NEUROD4: variants seen among roughly 807,000 people sequenced by gnomAD.
NEUROD4 encodes neuronal differentiation 4.
NEUROD4 carries 16 observed loss-of-function variants against 19.8 expected under a neutral mutation model. The observed-to-expected ratio is 0.81, with a 90% confidence interval of 0.55 to 1.23. The LOEUF (loss-of-function observed/expected upper bound fraction) is 1.23, where lower values mean the gene tolerates loss of function less well. Among genes scored for constraint, NEUROD4 ranks in the 50% most tolerant of loss-of-function variants. NEUROD4 has a pLI of 0.00. For missense variants in NEUROD4, 439 were observed against 398.6 expected (o/e 1.10, Z -0.86); for synonymous variants, 153 against 147.9 (o/e 1.03, Z -0.25).
Position 55,027,483 on chromosome 12 carries a change from T to C in NEUROD4, c.*48T>C, listed in dbSNP as rs1302075221. Reference sequence around the variant, plus strand: ...GAGAATGACGTGGAGACATTTTCCATAATTCAAGTGGTTGAGCTAAAGATT... The same window carrying C: ...GAGAATGACGTGGAGACATTTTCCACAATTCAAGTGGTTGAGCTAAAGATT... On this transcript the variant is annotated 3_prime_UTR_variant, in exon 2 of 2. Coordinates refer to ENST00000242994, the MANE Select transcript of NEUROD4 (RefSeq NM_021191.3). The C allele has an allele frequency of 6.6e-7, 1 of 1,521,830 alleles. No individual in the cohort carries two copies. Among genetic ancestry groups the C allele is most frequent in the South Asian group, 1.3e-5 (1 of 77,444 alleles). The allele number at this position is 1,521,830 out of a possible 1,614,324, so 94.3% of individuals were successfully genotyped here.
rs1461649883 is a variant in NEUROD4 at position 55,028,086 on chromosome 12, C to A, written c.*651C>A. Reference sequence around the variant, plus strand: ...AGCTAAAAGTCTAACATGGCTGTCACTGTGAAGAACAAAACATGTTCGTTA... The same window carrying A: ...AGCTAAAAGTCTAACATGGCTGTCAATGTGAAGAACAAAACATGTTCGTTA... On this transcript the variant is annotated 3_prime_UTR_variant, in exon 2 of 2. Coordinates refer to ENST00000242994, the MANE Select transcript of NEUROD4 (RefSeq NM_021191.3). 1 of 167,008 alleles carries A rather than the reference C, an allele frequency of 6.0e-6. No homozygotes were observed. The highest frequency in any genetic ancestry group is 2.4e-5 in the African/African-American group (1 of 41,444). 10.3% of individuals were successfully genotyped at this position (167,008 alleles called of 1,614,324 possible).
chr12:55,020,647 G>A (rs1013852292), intron 1 of NEUROD4, among the ~76,000 whole-genome samples: 1 of 152,160 alleles, frequency 6.6e-6, no homozygotes, highest in Admixed American at 6.6e-5. Context: ...ATGTCGAAAA[G>A]TTTAACTGCT....
At chr12:55,025,689 G>A (rs775686207) in intron 1 of NEUROD4, among the ~76,000 whole-genome samples, 8 of 152,226 alleles carry the variant, frequency 5.3e-5, no homozygotes, top group Non-Finnish European at 5.9e-5. Context: ...GATAGTGAGA[G>A]TAATGTTTGA....
chr12:55,021,592 C>T (rs1005542486), intron 1 of NEUROD4, among the ~76,000 whole-genome samples: 3 of 152,100 alleles, frequency 2.0e-5, no homozygotes, highest in Admixed American at 6.5e-5. Context: ...TAATGCTTAA[C>T]GACTTTGGCC....
chr12:55,022,445 A>G (rs989929906), intron 1 of NEUROD4, among the ~76,000 whole-genome samples: 2 of 152,106 alleles, frequency 1.3e-5, no homozygotes, highest in African/African-American at 4.8e-5. Context: ...TGCATTGAAA[A>G]TATTTAGGTG....
chr12:55,027,084 T>C lies in NEUROD4; in HGVS notation c.645T>C (p.Gly215=). The change falls in exon 2 of 2, where the codon GGT becomes GGC. Residue 215 remains glycine (G), a synonymous_variant. Transcript: ENST00000242994. The part of the protein sequence containing the change: ...QSPGLPSPPY[G]HMETHLLHLK... ...CGGGGCTTCCTAGCCCTCCTTATGG[T>C]CATATGGAAACACATCTCCTTCATC... is the stretch of plus-strand genomic sequence containing the variant. 1 of 1,614,056 alleles carries C rather than the reference T, an allele frequency of 6.2e-7. No homozygotes were observed. Among genetic ancestry groups the C allele is most frequent in the African/African-American group, 1.3e-5 (1 of 75,004 alleles).
At position 55,029,515 on chromosome 12, in the gene NEUROD4, T is replaced by C. The variant is rs1952769866; in HGVS notation, c.*2080T>C. The C allele has an allele frequency of 6.0e-6, 1 of 167,058 alleles. No homozygotes were observed. The highest frequency in any genetic ancestry group is 2.4e-5 in the African/African-American group (1 of 41,456). 10.3% of individuals were successfully genotyped at this position (167,058 alleles called of 1,614,324 possible). On this transcript the variant is annotated 3_prime_UTR_variant, in exon 2 of 2. Transcript: ENST00000242994. ...ATTATTTATTTAATTTATTTCTCTC[T>C]TCCTTTCACGAAAATTCCTTTAGCC...
Position 55,027,324 on chromosome 12 carries a change from A to C in NEUROD4, c.885A>C (p.Ser295=). Residue 295 remains serine, a synonymous_variant, in exon 2 of 2, where the codon TCA becomes TCC. Coordinates refer to ENST00000242994, the MANE Select transcript of NEUROD4 (RefSeq NM_021191.3). The part of the protein sequence containing the change: ...SSSLSSGHVH[S]TPFQAGTPRY... ...GTCTAAGCTCAGGGCATGTGCATTC[A>C]ACTCCTTTTCAGGCTGGTACCCCCC... 1 of 1,614,104 alleles carries C rather than the reference A, an allele frequency of 6.2e-7. No homozygotes were observed. Among genetic ancestry groups the C allele is most frequent in the Non-Finnish European group, 8.5e-7 (1 of 1,180,016 alleles).
chr12:55,021,568 G>A (rs1952673909), intron 1 of NEUROD4, among the ~76,000 whole-genome samples: 1 of 152,176 alleles, frequency 6.6e-6, no homozygotes, highest in South Asian at 2.1e-4. Flanking sequence ...TTCCAGGATA[G>A]CTTCACATAG....
intron 1 of NEUROD4, among the ~76,000 whole-genome samples, chr12:55,024,554 CTT>C (rs1952705069): frequency 6.6e-6 from 1 of 152,182 alleles, no homozygotes; most frequent in Admixed American, 6.5e-5. Context: ...CCACTCCATC[CTT>C]TTTGGCCTTA....
rs1456605351 is a variant in NEUROD4, at chr12:55,027,908, G to C, written c.*473G>C. ...ACAATTTCTTGAAACTGAAAGAATA[G>C]AGAAATAATAGGAAAGGGATGCTAT... On this transcript the variant is annotated 3_prime_UTR_variant, in exon 2 of 2. Coordinates refer to ENST00000242994, the MANE Select transcript of NEUROD4 (RefSeq NM_021191.3). 1 of 168,988 alleles carries C rather than the reference G, an allele frequency of 5.9e-6. No homozygotes were observed. The highest frequency in any genetic ancestry group is 6.5e-5 in the Admixed American group (1 of 15,404). 10.5% of individuals were successfully genotyped at this position (168,988 alleles called of 1,614,324 possible). A position where few individuals can be genotyped will look rare whatever the true frequency, so the allele number is the denominator to read the frequency against.
intron 1 of NEUROD4, among the ~76,000 whole-genome samples, chr12:55,025,972 C>T (rs1347037580): frequency 6.6e-6 from 1 of 152,108 alleles, no homozygotes; most frequent in Admixed American, 6.6e-5. Context: ...GCTTATTTGA[C>T]TATTTGATGG....
chr12:55,026,137 A>G (rs984833061), intron 1 of NEUROD4, among the ~76,000 whole-genome samples: 2 of 152,200 alleles, frequency 1.3e-5, no homozygotes, highest in African/African-American at 4.8e-5. Context: ...AAAGAAAAAT[A>G]TATCTTTGGA....
rs2243885 is a variant in NEUROD4 at position 55,027,515 on chromosome 12, C to A, written c.*80C>A. 0.32 allele frequency: 422,363 copies of A among 1,337,074 alleles called. 69,548 individuals are homozygous for A. The highest frequency in any genetic ancestry group is 0.51 in the African/African-American group (34,506 of 67,930). 82.8% of individuals were successfully genotyped at this position (1,337,074 alleles called of 1,614,324 possible). On this transcript the variant is annotated 3_prime_UTR_variant, in exon 2 of 2. Transcript: ENST00000242994. ...AGTGGTTGAGCTAAAGATTCAATGA[C>A]CTTAAAGGATCCCTATGGATATATA...
Position 55,027,264 on chromosome 12 carries a change from A to G in NEUROD4, c.825A>G (p.Lys275=), listed in dbSNP as rs141856263. The G allele has an allele frequency of 1.2e-6, 2 of 1,613,822 alleles. No homozygotes were observed. The highest frequency in any genetic ancestry group is 1.7e-6 in the Non-Finnish European group (2 of 1,179,984). Reference sequence around the variant, plus strand: ...AAGATGGGTCTCCTGACCTAGAAAAATCCTACAGCTTCATGCCACATTACC... The same window carrying G: ...AAGATGGGTCTCCTGACCTAGAAAAGTCCTACAGCTTCATGCCACATTACC... ...LKQDGSPDLE[K]SYSFMPHYPS... The change falls in exon 2 of 2, where the codon AAA becomes AAG. Residue 275 remains lysine, a synonymous_variant. Coordinates refer to ENST00000242994, the MANE Select transcript of NEUROD4 (RefSeq NM_021191.3).
intron 1 of NEUROD4, among the ~76,000 whole-genome samples, chr12:55,025,123 T>G (rs1952712553): frequency 6.6e-6 from 1 of 152,228 alleles, no homozygotes; most frequent in African/African-American, 2.4e-5. Context: ...ATACTTTTAT[T>G]TGGTAAACCA....
Position 55,027,003 on chromosome 12 carries a change from T to C in NEUROD4, c.564T>C (p.Asp188=). 1 of 1,614,156 alleles carries C rather than the reference T, an allele frequency of 6.2e-7. No homozygotes were observed. Among genetic ancestry groups the C allele is most frequent in the South Asian group, 1.1e-5 (1 of 91,084 alleles). Reference sequence around the variant, plus strand: ...CTGTCCTCCTGGAGAAGCACGAGGATAAATCTCCTATTTGTGACTCTGCCA... The same window carrying C: ...CTGTCCTCCTGGAGAAGCACGAGGACAAATCTCCTATTTGTGACTCTGCCA... ...PQSVLLEKHE[D]KSPICDSAIS... The change falls in exon 2 of 2, where the codon GAT becomes GAC. Residue 188 remains aspartate (D), a synonymous_variant. Transcript: ENST00000242994.
intron 1 of NEUROD4, among the ~76,000 whole-genome samples, chr12:55,022,863 C>A (rs1370134285): frequency 6.6e-6 from 1 of 152,020 alleles, no homozygotes; most frequent in Non-Finnish European, 1.5e-5. Flanking sequence ...TGAAATGAAG[C>A]CATTGGCTTT....
rs773811863 is a variant in NEUROD4 at position 55,027,162 on chromosome 12, G to T, written c.723G>T (p.Leu241=). ...GAGAATCGTCCTTTGGGAGCCATCTGCCTGACTGCAGTACACCCCCTTATG... is the reference window on the plus strand; with the variant it reads ...GAGAATCGTCCTTTGGGAGCCATCTTCCTGACTGCAGTACACCCCCTTATG... ...SLGESSFGSH[L]PDCSTPPYEG... is the part of the protein sequence containing the mutation. The change falls in exon 2 of 2, where the codon CTG becomes CTT. Residue 241 remains leucine, a synonymous_variant. Transcript: ENST00000242994. 2 of 1,614,098 alleles carry T rather than the reference G, an allele frequency of 1.2e-6. No individual in the cohort carries two copies. Among genetic ancestry groups the T allele is most frequent in the Non-Finnish European group, 1.7e-6 (2 of 1,180,000 alleles).
Sources: gnomAD v4.1 joint callset for allele counts (sites outside exome capture counted in the v4.1 genomes callset) on GRCh38, gnomAD v4.1.1 for gene constraint, MANE v1.5 for transcripts, NCBI Gene and HGNC (gene_info 2026-07-23, HGNC 2026-07-21) for gene names.